Variants in CCNJL observed in about 807,000 individuals in gnomAD.
CCNJL encodes the protein cyclin-J-like protein.
CCNJL carries 33 observed loss-of-function variants against 33.4 expected under a neutral mutation model. The observed-to-expected ratio is 0.99, with a 90% confidence interval of 0.75 to 1.32. The LOEUF (loss-of-function observed/expected upper bound fraction) is 1.32, where lower values mean the gene tolerates loss of function less well. CCNJL is among the 40% of genes most tolerant of loss of function. The pLI, the probability that CCNJL is intolerant of heterozygous loss-of-function variation, is 0.00. For synonymous variants in CCNJL, 227 were observed against 220.9 expected, an observed-to-expected ratio of 1.03 and a Z score of -0.24; for missense variants, 512 against 499.7, an observed-to-expected ratio of 1.02 and a Z score of -0.23.
intron 1 of CCNJL, among the ~76,000 whole-genome samples, chr5:160,337,614 G>A (rs368346951): frequency 3.3e-5 from 5 of 152,168 alleles, no homozygotes; most frequent in East Asian, 3.9e-4. Context: ...CCTTAGGGAC[G>A]TTGCATTGAG....
intron 1 of CCNJL, among the ~76,000 whole-genome samples, chr5:160,321,279 A>G (rs1561813003): frequency 1.3e-5 from 2 of 151,352 alleles, no homozygotes; most frequent in Admixed American, 6.6e-5. Context: ...ATTAACTTCA[A>G]CCCCCCTGAG....
chr5:160,256,580 G>A (rs894609610), intron 4 of CCNJL, among the ~76,000 whole-genome samples: 4 of 152,190 alleles, frequency 2.6e-5, no homozygotes, highest in African/African-American at 7.2e-5. Flanking sequence ...CAGTTTTCCT[G>A]AATGACACTG....
chr5:160,337,432 C>T (rs981869771), intron 1 of CCNJL, among the ~76,000 whole-genome samples: 1 of 152,106 alleles, frequency 6.6e-6, no homozygotes, highest in African/African-American at 2.4e-5. Context: ...GACTTCATCG[C>T]GCATCTGCTC....
chr5:160,254,284 A>T (rs775513174), intron 5 of CCNJL: 1 of 654,118 alleles, frequency 1.5e-6, no homozygotes, highest in African/African-American at 1.8e-5. Flanking sequence ...TAGCTAGCTG[A>T]TATCAACCAA....
At chr5:160,320,984 CTCTTTCT>C (rs530520090) in intron 1 of CCNJL, among the ~76,000 whole-genome samples, 8,905 of 116,028 alleles carry the variant, frequency 0.077, 589 homozygotes, top group African/African-American at 0.11. Context: ...CTCCCTCTCT[CTCTTTCT>C]TTCTTTCTCT....
chr5:160,282,813 T>C (rs1762257895), intron 2 of CCNJL, among the ~76,000 whole-genome samples: 1 of 150,854 alleles, frequency 6.6e-6, no homozygotes, highest in Non-Finnish European at 1.5e-5. Context: ...AAACTGAAAA[T>C]GTATATACAA....
intron 3 of CCNJL, among the ~76,000 whole-genome samples, chr5:160,276,784 T>TC (rs1377116840): frequency 1.3e-5 from 2 of 152,030 alleles, no homozygotes; most frequent in African/African-American, 4.8e-5. Context: ...ATTTTATCTC[T>TC]CTTTTTTTTT....
intron 3 of CCNJL, among the ~76,000 whole-genome samples, chr5:160,260,838 G>A (rs1449657906): frequency 6.6e-6 from 1 of 152,008 alleles, no homozygotes; most frequent in East Asian, 1.9e-4. Context: ...TCCTTCACCT[G>A]GAGTCCCTGC....
At chr5:160,257,266 G>C (rs561048362) in intron 4 of CCNJL, among the ~76,000 whole-genome samples, 2 of 151,550 alleles carry the variant, frequency 1.3e-5, no homozygotes, top group African/African-American at 4.9e-5. Flanking sequence ...ACGAGGTCAG[G>C]AGATCGAGAC....
chr5:160,315,385 T>C (rs1432116939), upstream of CCNJL: 1 of 428,160 alleles, frequency 2.3e-6, no homozygotes, highest in South Asian at 1.6e-5. Flanking sequence ...TATACACCTG[T>C]AGTCTTAGCT....
intron 2 of CCNJL, among the ~76,000 whole-genome samples, chr5:160,290,676 C>T (rs1762553541): frequency 6.6e-6 from 1 of 152,100 alleles, no homozygotes; most frequent in African/African-American, 2.4e-5. Flanking sequence ...TGTCCTCCTG[C>T]CTGCTAGACT....
At chr5:160,336,322 G>T (rs770168751) in intron 1 of CCNJL, among the ~76,000 whole-genome samples, 1 of 152,186 alleles carries the variant, frequency 6.6e-6, no homozygotes, top group Non-Finnish European at 1.5e-5. Context: ...CTCTAAGAGG[G>T]TCCCTAAGTC....
In CCNJL at chr5:160,311,842, G is replaced by C. The variant is rs200773887; in HGVS notation, c.66+16C>G. The C allele has an allele frequency of 3.7e-4, 598 of 1,609,620 alleles. 1 individual carries two copies. The highest frequency in any genetic ancestry group is 5.8e-4 in the Admixed American group (35 of 59,998). ...GTACCCAGTCTTGAGAGTGACAAGG[G>C]CAGGGAGGGACTGACCTTCTCGCGC... On this transcript the variant is annotated intron_variant, in intron 2 of 5. Coordinates refer to ENST00000257536, the MANE Select transcript of CCNJL (RefSeq NM_001308173.3).
intron 3 of CCNJL, chr5:160,276,440 A>T (rs1354108246): frequency 6.6e-6 from 1 of 152,248 alleles, no homozygotes; most frequent in Non-Finnish European, 1.5e-5. Flanking sequence ...AAAAGAAAAA[A>T]AAAAGAAATG....
chr5:160,255,595 T>G lies in CCNJL; in HGVS notation c.697A>C (p.Ser233Arg), dbSNP rs374407770. The G allele has an allele frequency of 6.0e-5, 97 of 1,614,146 alleles. No individual in the cohort carries two copies. Among genetic ancestry groups the G allele is most frequent in the Admixed American group, 1.3e-4 (8 of 60,024 alleles). The part of the protein sequence containing the change: ...YWTRDLQRIS[S>R]YSLEHLSTCI... ...GTGCTGAGGTGCTCCAGGGAATAGC[T>G]TGAGATCCTCTGCAGGTCTCTGGTC... The change falls in exon 5 of 6, where the codon AGC becomes CGC. Residue 233 changes from serine to arginine, a missense_variant. By Grantham distance (110) the Ser-to-Arg change is moderately radical. Coordinates refer to ENST00000257536, the MANE Select transcript of CCNJL (RefSeq NM_001308173.3).
At chr5:160,339,359 CAAA>C (rs752641997) in intron 1 of CCNJL, 2 of 220,584 alleles carry the variant, frequency 9.1e-6, no homozygotes, top group Non-Finnish European at 1.7e-5. Flanking sequence ...ACATGCAAAA[CAAA>C]AAAAAAAAAC....
rs1561809313 is a variant in CCNJL at position 160,311,975 on chromosome 5, GC to G, written c.-49-4del. On this transcript the variant is annotated splice_polypyrimidine_tract_variant and splice_region_variant and intron_variant, in intron 1 of 5. Coordinates refer to ENST00000257536, the MANE Select transcript of CCNJL (RefSeq NM_001308173.3). ...CTACCCGGCTCTCAGGGCGCACCCT[GC>G]GTGGACACGGGCAACTTCAGCGGCC... 1 of 1,560,716 alleles carries G rather than the reference GC, an allele frequency of 6.4e-7. No homozygotes were observed. Among genetic ancestry groups the G allele is most frequent in the South Asian group, 1.1e-5 (1 of 89,974 alleles).
chr5:160,325,840 ACT>A (rs1167944146), intron 1 of CCNJL, among the ~76,000 whole-genome samples: 2 of 152,062 alleles, frequency 1.3e-5, no homozygotes, highest in African/African-American at 4.8e-5. Flanking sequence ...TCTGACCTGG[ACT>A]CTGTTTTTAG....
chr5:160,249,547 G>C lies in CCNJL; in HGVS notation c.*3831C>G, dbSNP rs926504460. ...GGAGGCCGAGGCAGTCAGATTGCTT[G>C]AGCTCAGGAGTCTGAGACCAGCCTG... On this transcript the variant is annotated 3_prime_UTR_variant, in exon 6 of 6. Coordinates refer to ENST00000257536, the MANE Select transcript of CCNJL (RefSeq NM_001308173.3). 1 of 152,124 alleles carries C rather than the reference G, an allele frequency of 6.6e-6. No homozygotes were observed. The highest frequency in any genetic ancestry group is 2.4e-5 in the African/African-American group (1 of 41,414). The allele number at this position is 152,124 out of a possible 1,614,324, so 9.4% of individuals were successfully genotyped here. A position where few individuals can be genotyped will look rare whatever the true frequency, so the allele number is the denominator to read the frequency against.
Sources: allele counts gnomAD v4.1 joint callset (sites outside exome capture counted in the v4.1 genomes callset), GRCh38; gene constraint gnomAD v4.1.1; transcripts MANE v1.5; gene names NCBI Gene and HGNC (gene_info 2026-07-23, HGNC 2026-07-21).